FAM110B: variants seen among roughly 807,000 people sequenced by gnomAD.
FAM110B encodes the protein protein FAM110B.
In FAM110B, 6 loss-of-function variants were observed where a neutral mutation model predicts 20.4. The ratio of observed to expected loss-of-function variants is 0.29; its 90% CI spans 0.16 to 0.58. The LOEUF (loss-of-function observed/expected upper bound fraction) is 0.58. Among genes scored for constraint, FAM110B ranks in the 20% least tolerant of loss-of-function variants. FAM110B has a pLI of 0.90. For missense variants in FAM110B, 434 were observed against 498.2 expected, an observed-to-expected ratio of 0.87 and a Z score of 1.23; for synonymous variants, 226 against 214.1, an observed-to-expected ratio of 1.06 and a Z score of -0.49.
intron 1 of FAM110B, among the ~76,000 whole-genome samples, chr8:58,016,949 G>A (rs1585813764): frequency 6.6e-6 from 1 of 152,178 alleles, no homozygotes; most frequent in Non-Finnish European, 1.5e-5. Context: ...GAGAAATTTA[G>A]GAAGGAAATG....
chr8:58,130,230 G>A (rs1803416775), intron 3 of FAM110B, among the ~76,000 whole-genome samples: 1 of 152,156 alleles, frequency 6.6e-6, no homozygotes, highest in Non-Finnish European at 1.5e-5. Context: ...TCTTCCTTCT[G>A]TTAATCTGCA....
intron 3 of FAM110B, among the ~76,000 whole-genome samples, chr8:58,102,674 C>T (rs1004342924): frequency 6.6e-6 from 1 of 152,150 alleles, no homozygotes; most frequent in African/African-American, 2.4e-5. Flanking sequence ...TCTTGTCTGC[C>T]ACTGCCCTCA....
intron 3 of FAM110B, among the ~76,000 whole-genome samples, chr8:58,127,091 T>C (rs535912239): frequency 6.6e-6 from 1 of 152,348 alleles, no homozygotes; most frequent in East Asian, 1.9e-4. Context: ...ATAAAAGGTA[T>C]GAGGTCAACG....
intron 2 of FAM110B, chr8:58,032,480 A>G (rs931188768): frequency 6.6e-6 from 1 of 152,146 alleles, no homozygotes; most frequent in African/African-American, 2.4e-5. Context: ...TTCTTTAATT[A>G]TTTTTTCTCC....
chr8:58,126,922 G>A (rs994678915), intron 3 of FAM110B, among the ~76,000 whole-genome samples: 1 of 152,052 alleles, frequency 6.6e-6, no homozygotes, highest in African/African-American at 2.4e-5. Context: ...AAATTTATCA[G>A]TTTTCTTTCA....
chr8:58,020,748 G>A (rs190128430), intron 1 of FAM110B, among the ~76,000 whole-genome samples: 2 of 152,294 alleles, frequency 1.3e-5, no homozygotes, highest in Admixed American at 1.3e-4. Flanking sequence ...GAAGGTGGTG[G>A]TAGATCAGAA....
intron 2 of FAM110B, among the ~76,000 whole-genome samples, chr8:58,056,171 A>G (rs1310253161): frequency 1.3e-5 from 2 of 152,256 alleles, no homozygotes; most frequent in Non-Finnish European, 2.9e-5. Flanking sequence ...CAAGGCATAA[A>G]GTATTTACTA....
intron 1 of FAM110B, among the ~76,000 whole-genome samples, chr8:58,020,994 T>C (rs772861320): frequency 5.2e-4 from 79 of 152,246 alleles, no homozygotes; most frequent in Non-Finnish European, 1.0e-3. Flanking sequence ...TTGCATTTAT[T>C]ATTTTTTGCT....
At chr8:58,102,217 C>CTCA (rs1806795531) in intron 3 of FAM110B, among the ~76,000 whole-genome samples, 1 of 152,172 alleles carries the variant, frequency 6.6e-6, no homozygotes, top group Non-Finnish European at 1.5e-5. Flanking sequence ...AGTCATCCTG[C>CTCA]CTCAGTTACA....
At chr8:58,043,084 A>G (rs1275622079) in intron 2 of FAM110B, 1 of 152,260 alleles carries the variant, frequency 6.6e-6, no homozygotes, top group East Asian at 1.9e-4. Context: ...CAAACACCTC[A>G]CCAGGGCAGG....
intron 3 of FAM110B, among the ~76,000 whole-genome samples, chr8:58,128,398 G>A (rs978546786): frequency 3.9e-5 from 6 of 151,998 alleles, no homozygotes; most frequent in African/African-American, 9.7e-5. Context: ...TCTACTTTTC[G>A]AAAAATCACT....
Position 58,059,625 on chromosome 8 carries a change from G to GT in FAM110B, c.-413-15899dup, listed in dbSNP as rs542031730. Among the ~76,000 whole-genome samples the GT allele has an allele frequency of 4.4e-3, 628 of 143,732 alleles. 2 individuals are homozygous for GT. The highest frequency in any genetic ancestry group is 0.011 in the African/African-American group (431 of 39,428). The allele number at this position is 143,732 out of a possible 152,430, so 94.3% of individuals were successfully genotyped here. A position where few individuals can be genotyped will look rare whatever the true frequency, so the allele number is the denominator to read the frequency against. ...GTTCTTTTGTTATTGATTTGTAGGA[G>GT]TTTTTTTTTTTCTGGTTAAAAGTCA... On this transcript the variant is annotated intron_variant, in intron 2 of 3. Coordinates refer to ENST00000519262, the MANE Select transcript of FAM110B (RefSeq NM_001377989.1).
chr8:58,104,390 T>A (rs1806859099), intron 3 of FAM110B, among the ~76,000 whole-genome samples: 1 of 152,150 alleles, frequency 6.6e-6, no homozygotes, highest in South Asian at 2.1e-4. Flanking sequence ...TTTAAATATA[T>A]CGTTTTATAT....
chr8:58,076,129 T>A (rs1180285977), intron 3 of FAM110B, among the ~76,000 whole-genome samples: 1 of 152,148 alleles, frequency 6.6e-6, no homozygotes, highest in Non-Finnish European at 1.5e-5. Flanking sequence ...GGCTAATTTT[T>A]AAAAATTTTT....
intron 1 of FAM110B, among the ~76,000 whole-genome samples, chr8:57,999,562 A>T (rs1358006220): frequency 2.0e-5 from 3 of 152,212 alleles, no homozygotes; most frequent in Non-Finnish European, 2.9e-5. Flanking sequence ...TAAATAAAAA[A>T]TAAGTAATTA....
chr8:58,040,234 A>C (rs957419440), intron 2 of FAM110B, among the ~76,000 whole-genome samples: 5 of 152,122 alleles, frequency 3.3e-5, no homozygotes, highest in African/African-American at 1.2e-4. Flanking sequence ...TTTGGGCACA[A>C]ATAATTCTGT....
chr8:58,119,427 C>A (rs571813383), intron 3 of FAM110B, among the ~76,000 whole-genome samples: 28 of 152,288 alleles, frequency 1.8e-4, no homozygotes, highest in Non-Finnish European at 2.2e-4. Flanking sequence ...GGGCACTAAT[C>A]CTATTCATGA....
At chr8:58,023,811 A>G (rs1160809512) in intron 1 of FAM110B, among the ~76,000 whole-genome samples, 2 of 152,206 alleles carry the variant, frequency 1.3e-5, no homozygotes, top group East Asian at 1.9e-4. Flanking sequence ...CCAGTCAGTA[A>G]TGTGCTAGCT....
intron 1 of FAM110B, among the ~76,000 whole-genome samples, chr8:58,000,947 A>G (rs546385293): frequency 6.6e-6 from 1 of 152,352 alleles, no homozygotes; most frequent in Non-Finnish European, 1.5e-5. Context: ...TTTAGTGACA[A>G]TGATAGAAGA....
Sources: gnomAD v4.1 joint callset for allele counts (sites outside exome capture counted in the v4.1 genomes callset) on GRCh38, gnomAD v4.1.1 for gene constraint, MANE v1.5 for transcripts, NCBI Gene and HGNC (gene_info 2026-07-23, HGNC 2026-07-21) for gene names.